The following ZNF451 variants were observed in gnomAD, a reference collection of about 807,000 sequenced individuals.
The protein encoded by ZNF451 is zinc finger protein 451, also known as E3 SUMO-protein ligase ZNF451.
Under a neutral mutation model 107.1 loss-of-function variants are expected in ZNF451, and 80 were observed. The ratio of observed to expected loss-of-function variants is 0.75; its 90% confidence interval spans 0.62 to 0.90. The LOEUF (loss-of-function observed/expected upper bound fraction) is 0.90. Ranked by LOEUF, ZNF451 falls within the 40% of genes least tolerant of loss-of-function variation. ZNF451 has a pLI of 0.00. For synonymous variants in ZNF451, 362 were observed against 406.5 expected (o/e 0.89, Z 1.32); for missense variants, 1,107 against 1,236.2 (o/e 0.90, Z 1.57).
At chr6:57,129,702 CT>C (rs1327681320) in intron 5 of ZNF451, among the ~76,000 whole-genome samples, 1 of 151,988 alleles carries the variant, frequency 6.6e-6, no homozygotes, top group Non-Finnish European at 1.5e-5. Flanking sequence ...CATTTGATAC[CT>C]GACATAATCG....
At chr6:57,133,427 G>A (rs1257783207) in intron 6 of ZNF451, among the ~76,000 whole-genome samples, 3 of 152,026 alleles carry the variant, frequency 2.0e-5, no homozygotes, top group African/African-American at 7.2e-5. Context: ...ATTTTTCCCT[G>A]ATACAGCTTA....
intron 10 of ZNF451, among the ~76,000 whole-genome samples, chr6:57,150,020 A>G (rs1051608192): frequency 6.6e-6 from 1 of 152,208 alleles, no homozygotes; most frequent in African/African-American, 2.4e-5. Context: ...TAAAGTTTGC[A>G]TTGTTACCAC....
At chr6:57,102,806 G>T in intron 3 of ZNF451, 1 of 985,428 alleles carries the variant, frequency 1.0e-6, no homozygotes, top group Non-Finnish European at 1.2e-6. Context: ...TAACATCTCT[G>T]TAGAAATTGC....
chr6:57,102,761 A>T, intron 3 of ZNF451: 1 of 985,444 alleles, frequency 1.0e-6, no homozygotes, highest in Non-Finnish European at 1.2e-6. Context: ...TCGCAGGTCT[A>T]TTATGGACAC....
intron 3 of ZNF451, chr6:57,101,426 C>T: frequency 6.4e-7 from 1 of 1,550,752 alleles, no homozygotes; most frequent in Non-Finnish European, 8.7e-7. Flanking sequence ...GACACCTCTC[C>T]TTTCCAACCA....
chr6:57,101,282 G>A (rs1400463883), intron 3 of ZNF451: 1 of 1,550,840 alleles, frequency 6.4e-7, no homozygotes, highest in African/African-American at 1.4e-5. Flanking sequence ...AAACCTGATT[G>A]TGTGACTTCT....
intron 3 of ZNF451, chr6:57,102,284 T>A: frequency 7.7e-7 from 1 of 1,303,666 alleles, no homozygotes; most frequent in Non-Finnish European, 9.7e-7. Context: ...ACTCATGACT[T>A]ATTGGCCAAG....
chr6:57,109,405 A>G, intron 3 of ZNF451: 12 of 985,444 alleles, frequency 1.2e-5, no homozygotes, highest in Non-Finnish European at 1.4e-5. Flanking sequence ...CTTGACCCTC[A>G]GCATTAGCAA....
At chr6:57,110,205 G>A (rs1830046973) in intron 3 of ZNF451, among the ~76,000 whole-genome samples, 1 of 152,098 alleles carries the variant, frequency 6.6e-6, no homozygotes, top group African/African-American at 2.4e-5. Context: ...GGGTGTGTCT[G>A]GTTTCAGAAT....
intron 3 of ZNF451, among the ~76,000 whole-genome samples, chr6:57,119,248 G>A (rs1004186814): frequency 5.3e-5 from 8 of 151,718 alleles, no homozygotes; most frequent in African/African-American, 1.7e-4. Flanking sequence ...AGGGAAGGCC[G>A]GGGCGTGGTG....
At chr6:57,160,468 G>A (rs1763623463) in intron 13 of ZNF451, among the ~76,000 whole-genome samples, 1 of 151,974 alleles carries the variant, frequency 6.6e-6, no homozygotes, top group Admixed American at 6.6e-5. Flanking sequence ...CAAGTAGCTG[G>A]GACTATAGGT....
At chr6:57,153,786 A>T in intron 12 of ZNF451, 75 bp from the exon 13 acceptor site, 8 of 1,461,496 alleles carry the variant, frequency 5.5e-6, no homozygotes, top group Non-Finnish European at 7.6e-6. Context: ...GCATGTGTTC[A>T]TTCTGAAATA....
At chr6:57,124,219 TTTTG>T (rs1206556560) in intron 3 of ZNF451, among the ~76,000 whole-genome samples, 2 of 152,190 alleles carry the variant, frequency 1.3e-5, no homozygotes, top group African/African-American at 2.4e-5. Flanking sequence ...GGGTGCTGGA[TTTTG>T]TTAAATGCTT....
intron 3 of ZNF451, chr6:57,100,673 C>T: frequency 6.5e-7 from 1 of 1,549,924 alleles, no homozygotes; most frequent in Non-Finnish European, 8.7e-7. Flanking sequence ...TGCAATGTTC[C>T]TCTTCCCATT....
Position 57,090,277 on chromosome 6 carries a change from G to T in ZNF451, c.21+3G>T. The T allele has an allele frequency of 6.2e-7, 1 of 1,611,016 alleles. No homozygotes were observed. The highest frequency in any genetic ancestry group is 8.5e-7 in the Non-Finnish European group (1 of 1,179,410). On this transcript the variant is annotated splice_donor_region_variant and intron_variant, in intron 1 of 14. Transcript: ENST00000370706. Reference sequence around the variant, plus strand: ...ACATGGGAGACCCGGGGTCGGAGGTGAGTAGTCGAGTGAGGGTCCTGGCGT... The same window carrying T: ...ACATGGGAGACCCGGGGTCGGAGGTTAGTAGTCGAGTGAGGGTCCTGGCGT...
chr6:57,150,702 T>C lies in ZNF451; in HGVS notation c.2609-17T>C, dbSNP rs1323674738. 6.3e-7 allele frequency: 1 copy of C among 1,584,118 alleles called. No homozygotes were observed. The highest frequency in any genetic ancestry group is 1.9e-5 in the Admixed American group (1 of 53,492). On this transcript the variant is annotated splice_polypyrimidine_tract_variant and intron_variant, in intron 10 of 14. Transcript: ENST00000370706. ...CAAATTCTTACTGAACTCATGTTGATATTTCTCTCTTCTCAGAGGAAGAAA... is the reference window on the plus strand; with the variant it reads ...CAAATTCTTACTGAACTCATGTTGACATTTCTCTCTTCTCAGAGGAAGAAA...
chr6:57,140,291 C>G (rs934511898), intron 7 of ZNF451, among the ~76,000 whole-genome samples: 2 of 152,094 alleles, frequency 1.3e-5, no homozygotes, highest in Non-Finnish European at 2.9e-5. Flanking sequence ...GAAGGCCAGG[C>G]ACGGTGGCTC....
chr6:57,104,747 C>G lies in ZNF451; in HGVS notation c.186+5606C>G, dbSNP rs114140758. 1.7e-3 allele frequency: 1,670 copies of G among 985,350 alleles called. 22 individuals are homozygous for G. The African/African-American group carries it at 0.027, about 16-fold the overall frequency. 61.0% of individuals were successfully genotyped at this position (985,350 alleles called of 1,614,324 possible). On this transcript the variant is annotated intron_variant, in intron 3 of 14. Transcript: ENST00000370706. ...GATGATGTTGCTGTTCTCTTTTCCT[C>G]CTGTGATATTTATGTTGCCCAGTAA...
chr6:57,156,839 C>T (rs550717854), intron 13 of ZNF451, among the ~76,000 whole-genome samples: 2 of 152,258 alleles, frequency 1.3e-5, no homozygotes, highest in Admixed American at 1.3e-4. Flanking sequence ...ATTAGATTCT[C>T]ATAAGGAGCG....
Sources: gnomAD v4.1 joint callset for allele counts (sites outside exome capture counted in the v4.1 genomes callset) on GRCh38, gnomAD v4.1.1 for gene constraint, MANE v1.5 for transcripts, NCBI Gene and HGNC (gene_info 2026-07-23, HGNC 2026-07-21) for gene names.